RICTOR: variants seen among roughly 807,000 people sequenced by gnomAD.
RICTOR encodes the protein rapamycin-insensitive companion of mTOR.
In RICTOR, 49 loss-of-function variants were observed where a neutral mutation model predicts 214.9. The ratio of observed to expected loss-of-function variants is 0.23; its 90% CI spans 0.18 to 0.29. RICTOR has a LOEUF of 0.29. Ranked by LOEUF, RICTOR falls within the 10% of genes least tolerant of loss-of-function variation. The probability of loss-of-function intolerance (pLI) is 1.00; values close to 1 mark genes in which losing one functional copy is unlikely to be tolerated. For missense variants in RICTOR, 1,625 were observed against 2,047.0 expected (o/e 0.79, Z 3.98); for synonymous variants, 717 against 711.3 (o/e 1.01, Z -0.13).
rs372093556 is a variant in RICTOR, at chr5:38,942,261, T to A, written c.*43A>T. ...GAGGCTTTTAGGAAATCCACAAATA[T>A]GAATATATATAGTATGTATCTATAT... On this transcript the variant is annotated 3_prime_UTR_variant, in exon 38 of 38. Coordinates refer to ENST00000357387, the MANE Select transcript of RICTOR (RefSeq NM_152756.5). The A allele has an allele frequency of 8.5e-7, 1 of 1,170,924 alleles. No homozygotes were observed. Among genetic ancestry groups the A allele is most frequent in the Non-Finnish European group, 1.2e-6 (1 of 811,914 alleles). The allele number at this position is 1,170,924 out of a possible 1,614,324, so 72.5% of individuals were successfully genotyped here. A position where few individuals can be genotyped will look rare whatever the true frequency, so the allele number is the denominator to read the frequency against.
intron 7 of RICTOR, among the ~76,000 whole-genome samples, chr5:38,990,526 G>GAT (rs1491100053): frequency 7.3e-6 from 1 of 137,014 alleles, no homozygotes; most frequent in African/African-American, 2.7e-5. Flanking sequence ...ATATATATAC[G>GAT]ATATATATAC....
intron 2 of RICTOR, among the ~76,000 whole-genome samples, chr5:39,063,783 T>C (rs1758707803): frequency 1.3e-5 from 2 of 151,808 alleles, no homozygotes; most frequent in African/African-American, 4.8e-5. Context: ...ATCAAAAATA[T>C]ACTGGTTGAC....
intron 27 of RICTOR, 64 bp downstream of exon 27, chr5:38,954,710 A>T (rs552059865): frequency 1.0e-6 from 1 of 969,710 alleles, no homozygotes; most frequent in East Asian, 2.4e-5. Flanking sequence ...TATTTTAGCA[A>T]TGTTAAGATT....
rs1046831778 is a variant in RICTOR at position 38,964,883 on chromosome 5, T to C, written c.1309A>G (p.Ile437Val). 3 of 1,601,344 alleles carry C rather than the reference T, an allele frequency of 1.9e-6. No individual in the cohort carries two copies. Among genetic ancestry groups the C allele is most frequent in the Admixed American group, 3.4e-5 (2 of 59,316 alleles). ...TGATGGCTATGTGAATGAGGAAGAATTGTGTTTGCCTAAAATGAAGCATAA... is the reference window on the plus strand; with the variant it reads ...TGATGGCTATGTGAATGAGGAAGAACTGTGTTTGCCTAAAATGAAGCATAA... ...LGELLHMANT[I>V]LPHSHSHHLH... Residue 437 changes from isoleucine to valine, a missense_variant, in exon 16 of 38, where the codon ATT becomes GTT. By Grantham distance (29) the Ile-to-Val change is conservative (BLOSUM62 3). Coordinates refer to ENST00000357387, the MANE Select transcript of RICTOR (RefSeq NM_152756.5).
At chr5:38,974,174 C>T (rs957246845) in intron 10 of RICTOR, among the ~76,000 whole-genome samples, 5 of 151,970 alleles carry the variant, frequency 3.3e-5, no homozygotes, top group East Asian at 3.9e-4. Flanking sequence ...TGCAGCCTCC[C>T]GAGTAGCTGG....
intron 7 of RICTOR, among the ~76,000 whole-genome samples, chr5:38,988,260 TC>T (rs1752325080): frequency 6.6e-6 from 1 of 152,192 alleles, no homozygotes; most frequent in South Asian, 2.1e-4. Context: ...TAGTTAATTT[TC>T]TGTCTCGTCG....
At chr5:38,992,375 T>G (rs1752852944) in intron 6 of RICTOR, among the ~76,000 whole-genome samples, 1 of 152,126 alleles carries the variant, frequency 6.6e-6, no homozygotes, top group Non-Finnish European at 1.5e-5. Context: ...TTATTATTAT[T>G]CTTATAAGGA....
At position 38,959,329 on chromosome 5, in the gene RICTOR, GAA is replaced by G; in HGVS notation, c.2052-10_2052-9del. The G allele has an allele frequency of 9.1e-6, 12 of 1,321,242 alleles. No individual in the cohort carries two copies. The highest frequency in any genetic ancestry group is 7.6e-5 in the South Asian group (5 of 65,794). 81.8% of individuals were successfully genotyped at this position (1,321,242 alleles called of 1,614,324 possible). A position where few individuals can be genotyped will look rare whatever the true frequency, so the allele number is the denominator to read the frequency against. ...GAGCAAAGATTAAGGAGACTTAAAAGAAAAAAAAAATAAGAATGGTTAAAAGA... is the reference window on the plus strand; with the variant it reads ...GAGCAAAGATTAAGGAGACTTAAAAGAAAAAAAATAAGAATGGTTAAAAGA... On this transcript the variant is annotated splice_polypyrimidine_tract_variant and intron_variant, in intron 21 of 37. Coordinates refer to ENST00000357387, the MANE Select transcript of RICTOR (RefSeq NM_152756.5).
At chr5:38,995,786 A>T (rs1423199945) in intron 6 of RICTOR, among the ~76,000 whole-genome samples, 1 of 152,134 alleles carries the variant, frequency 6.6e-6, no homozygotes, top group Non-Finnish European at 1.5e-5. Context: ...ATAAATAAAA[A>T]CCATAGATTT....
rs1198825485 is a variant in RICTOR, at chr5:38,945,704, C to T, written c.4420G>A (p.Gly1474Ser). The T allele has an allele frequency of 1.2e-6, 2 of 1,605,610 alleles. No homozygotes were observed. The highest frequency in any genetic ancestry group is 2.2e-5 in the South Asian group (2 of 90,906). Residue 1474 changes from glycine to serine, a missense_variant, in exon 34 of 38, where the codon GGT becomes AGT. Around this residue, in one of 5 missense-constraint regions of RICTOR, gnomAD observed 1,214 missense variants for 1,470.5 expected, o/e 0.83. Transcript: ENST00000357387. ...AAGTGAAAAGAATTTTTTACAAGAC[C>T]TCCAGTTCCAGATGGAAGACCTGTG... ...DAGGLPSGTG[G>S]LVKNSFHLLR...
Position 39,070,401 on chromosome 5 carries a change from G to A in RICTOR, c.97+3710C>T, listed in dbSNP as rs562182488. Among the ~76,000 whole-genome samples the A allele has an allele frequency of 1.8e-4, 28 of 152,194 alleles. No homozygotes were observed. The Middle Eastern group carries it at 0.01, about 55-fold the overall frequency. On this transcript the variant is annotated intron_variant, in intron 2 of 37. Transcript: ENST00000357387. ...GGAGAATGGCGTGAACCCGGGAAGC[G>A]GAGCTTGCAGTGAGCCGAGATTGCG...
chr5:39,034,875 C>T (rs1425852827), intron 2 of RICTOR, among the ~76,000 whole-genome samples: 1 of 152,242 alleles, frequency 6.6e-6, no homozygotes, highest in Non-Finnish European at 1.5e-5. Flanking sequence ...CCTCTGTAGG[C>T]TCCACCTCTG....
In RICTOR at chr5:38,957,715, T is replaced by C; in HGVS notation, c.2436A>G (p.Pro812=). ...TTTCATTCAGATAGGAAAATCCTTT[T>C]GGAATGGAGAGAAATCTGCAAATTA... ...LLLLLRFLSI[P]KGFSYLNERG... Residue 812 remains proline, a synonymous_variant, in exon 25 of 38, where the codon CCA becomes CCG. Transcript: ENST00000357387. 6.3e-7 allele frequency: 1 copy of C among 1,583,652 alleles called. No individual in the cohort carries two copies. Among genetic ancestry groups the C allele is most frequent in the Non-Finnish European group, 8.6e-7 (1 of 1,158,590 alleles).
At chr5:38,998,757 G>A (rs1358827667) in intron 5 of RICTOR, among the ~76,000 whole-genome samples, 2 of 152,096 alleles carry the variant, frequency 1.3e-5, no homozygotes, top group African/African-American at 4.8e-5. Flanking sequence ...GCTCACGCCT[G>A]TAATCCTAGC....
Position 38,957,648 on chromosome 5 carries a change from T to G in RICTOR, c.2499+4A>C. On this transcript the variant is annotated splice_donor_region_variant and intron_variant, in intron 25 of 37. Transcript: ENST00000357387. ...AATTCAACTTTATTCAAATAAGAAG[T>G]TACCCTGTGCCACTTTTCCAATTGT... The G allele has an allele frequency of 6.8e-7, 1 of 1,477,520 alleles. No individual in the cohort carries two copies. Among genetic ancestry groups the G allele is most frequent in the South Asian group, 1.2e-5 (1 of 83,660 alleles). 91.5% of individuals were successfully genotyped at this position (1,477,520 alleles called of 1,614,324 possible).
In RICTOR at chr5:38,954,815, G is replaced by C. The variant is rs780660127; in HGVS notation, c.2656C>G (p.Leu886Val). The change falls in exon 27 of 38, where the codon CTA (leucine) becomes GTA (valine). Residue 886 changes from leucine to valine, a missense_variant. By Grantham distance (32) the Leu-to-Val change is conservative. Coordinates refer to ENST00000357387, the MANE Select transcript of RICTOR (RefSeq NM_152756.5). ...TGGCAGCCTGTTTTATGGTGTACTAGTTGTCCATAAAGGTGTATAGGCAGG... is the reference window on the plus strand; with the variant it reads ...TGGCAGCCTGTTTTATGGTGTACTACTTGTCCATAAAGGTGTATAGGCAGG... ...VYLPIHLYGQ[L>V]VHHKTGCHLL... The C allele has an allele frequency of 6.9e-6, 11 of 1,604,950 alleles. No homozygotes were observed. In the South Asian group the frequency reaches 1.2e-4, roughly 18 times the overall value.
chr5:39,046,803 G>A (rs1294411051), intron 2 of RICTOR, among the ~76,000 whole-genome samples: 2 of 151,854 alleles, frequency 1.3e-5, no homozygotes, highest in Non-Finnish European at 2.9e-5. Context: ...AATGAAGGTT[G>A]CCAGGGAAAA....
chr5:38,962,060 T>C lies in RICTOR; in HGVS notation c.1715+255A>G, dbSNP rs929342131. The stretch of plus-strand genomic sequence containing the variant: ...ACTATACAATTGATACTACCCCAAT[T>C]TGAAAAACTTTTATCTCAACTACTT... On this transcript the variant is annotated intron_variant, in intron 19 of 37. Transcript: ENST00000357387. 3.9e-5 allele frequency among the ~76,000 whole-genome samples: 6 copies of C among 151,980 alleles called. No individual in the cohort carries two copies. In the East Asian group the frequency reaches 5.8e-4, roughly 15 times the overall value.
rs1755694068 is a variant in RICTOR at position 39,024,894 on chromosome 5, T to C, written c.98-3758A>G. Among the ~76,000 whole-genome samples, 3 of 152,180 alleles carry C rather than the reference T, an allele frequency of 2.0e-5. No individual in the cohort carries two copies. The South Asian group carries it at 6.2e-4, about 31-fold the overall frequency. On this transcript the variant is annotated intron_variant, in intron 2 of 37. Transcript: ENST00000357387. ...TATCTAAGTGTATTCATTCAACAAA[T>C]ATTAACTGAATGGCTATTATGATCA... is the stretch of plus-strand genomic sequence containing the variant.
Sources: allele counts gnomAD v4.1 joint callset (sites outside exome capture counted in the v4.1 genomes callset), GRCh38; gene constraint gnomAD v4.1.1; regional missense constraint gnomAD v4.1.1; transcripts MANE v1.5; gene names NCBI Gene and HGNC (gene_info 2026-07-23, HGNC 2026-07-21).